TRMT11: variants seen among roughly 807,000 people sequenced by gnomAD.
The protein encoded by TRMT11 is tRNA (guanine(10)-N(2))-methyltransferase TRMT11.
A neutral mutation model predicts 62.8 loss-of-function variants in TRMT11; 53 were observed. The observed-to-expected ratio is 0.84, with a 90% confidence interval of 0.68 to 1.06. The LOEUF is 1.06. TRMT11 is among the 50% of genes least tolerant of loss of function. TRMT11 has a pLI of 0.00. For synonymous variants in TRMT11, 188 were observed against 190.3 expected (o/e 0.99, Z 0.10); for missense variants, 556 against 553.4 (o/e 1.00, Z -0.05).
At chr6:126,178,055 G>A (rs578061743) in intron 1 of TRMT11, among the ~76,000 whole-genome samples, 1 of 151,974 alleles carries the variant, frequency 6.6e-6, no homozygotes, top group Admixed American at 6.6e-5. Context: ...TTTCAAGAGC[G>A]ATCTTATGTT....
intron 16 of TRMT11, among the ~76,000 whole-genome samples, chr6:126,045,354 G>C (rs1242552706): frequency 6.6e-6 from 1 of 152,148 alleles, no homozygotes; most frequent in Non-Finnish European, 1.5e-5. Context: ...GATGGTTTTT[G>C]ATCATGAGGA....
chr6:126,003,660 G>A (rs1792881458), intron 7 of TRMT11, among the ~76,000 whole-genome samples: 2 of 151,964 alleles, frequency 1.3e-5, no homozygotes, highest in African/African-American at 4.8e-5. Flanking sequence ...TATATTTTAA[G>A]GGCCATTATG....
chr6:126,131,241 G>C (rs1361407653), intron 21 of TRMT11, among the ~76,000 whole-genome samples: 1 of 152,026 alleles, frequency 6.6e-6, no homozygotes, highest in East Asian at 1.9e-4. Flanking sequence ...AAGAGAATTG[G>C]TGTTAGAGCA....
At chr6:125,991,133 C>G (rs1163341288) in intron 1 of TRMT11, among the ~76,000 whole-genome samples, 1 of 151,666 alleles carries the variant, frequency 6.6e-6, no homozygotes, top group Non-Finnish European at 1.5e-5. Flanking sequence ...GTAATCTCAG[C>G]TACCCAAGAG....
chr6:126,203,595 A>G (rs529443434), downstream of TRMT11, among the ~76,000 whole-genome samples: 2 of 152,310 alleles, frequency 1.3e-5, no homozygotes, highest in East Asian at 3.9e-4. Flanking sequence ...AAGCCTTGAA[A>G]TATGTATTTG....
intron 21 of TRMT11, among the ~76,000 whole-genome samples, chr6:126,122,262 A>G (rs1777658680): frequency 6.6e-6 from 1 of 152,098 alleles, no homozygotes; most frequent in East Asian, 1.9e-4. Flanking sequence ...CAGCATGAGA[A>G]CAGACTAATA....
chr6:126,069,612 C>T (rs867415551), intron 17 of TRMT11, among the ~76,000 whole-genome samples: 14 of 152,330 alleles, frequency 9.2e-5, no homozygotes, highest in Middle Eastern at 3.4e-3. Context: ...TGCGAAGCTG[C>T]GTGTTATCCT....
chr6:126,262,075 T>C, the TRMT11 span, among the ~76,000 whole-genome samples: 3 of 152,284 alleles, frequency 2.0e-5, no homozygotes, highest in South Asian at 6.2e-4. Flanking sequence ...CTGGGTTAAG[T>C]GAAGGTTCAT....
chr6:126,044,166 T>A (rs1315563638), downstream of TRMT11, among the ~76,000 whole-genome samples: 1 of 152,104 alleles, frequency 6.6e-6, no homozygotes, highest in Non-Finnish European at 1.5e-5. Context: ...TAGGTTTTCT[T>A]CTAGGGTTTT....
At position 126,088,851 on chromosome 6, in the gene TRMT11, T is replaced by C. The variant is rs187348869; in HGVS notation, c.*1438-24015T>C. ...TAAAGGGAAAAAGAGAATTGACTTA[T>C]ATTGCTAGAGAAATCAAATCCCAAA... On this transcript the variant is annotated intron_variant and NMD_transcript_variant, in intron 17 of 22. Transcript: ENST00000648977. Among the ~76,000 whole-genome samples the C allele has an allele frequency of 1.6e-3, 239 of 152,360 alleles. 2 individuals carry two copies. The highest frequency in any genetic ancestry group is 5.1e-4 in the Non-Finnish European group (35 of 68,030).
chr6:126,165,316 T>C (rs1314588277), intron 21 of TRMT11, among the ~76,000 whole-genome samples: 4 of 151,968 alleles, frequency 2.6e-5, no homozygotes, highest in Non-Finnish European at 4.4e-5. Flanking sequence ...AATTTGATCC[T>C]GTCATTATGA....
chr6:126,105,857 C>T (rs1479041304), intron 17 of TRMT11, among the ~76,000 whole-genome samples: 1 of 152,096 alleles, frequency 6.6e-6, no homozygotes, highest in Non-Finnish European at 1.5e-5. Flanking sequence ...AAACCAGGGG[C>T]TGTGTATTTA....
chr6:126,035,736 C>T (rs115867774), intron 12 of TRMT11, among the ~76,000 whole-genome samples: 152 of 152,148 alleles, frequency 1.0e-3, no homozygotes, highest in African/African-American at 3.5e-3. Flanking sequence ...TCTCAATAAT[C>T]GTTAGCATAC....
rs554353948 is a variant in TRMT11, at chr6:126,140,636, T to C, written c.*1823+24781T>C. On this transcript the variant is annotated intron_variant and NMD_transcript_variant, in intron 21 of 22. Coordinates refer to the TRMT11 transcript ENST00000648977. Reference sequence around the variant, plus strand: ...CATTTTAGCTAAGTGTTCATATAGGTATGCTAAAATTTCCACCTTAAAATG... The same window carrying C: ...CATTTTAGCTAAGTGTTCATATAGGCATGCTAAAATTTCCACCTTAAAATG... Among the ~76,000 whole-genome samples the C allele has an allele frequency of 4.4e-3, 672 of 152,228 alleles. 11 individuals carry two copies. Among genetic ancestry groups the C allele is most frequent in the Non-Finnish European group, 6.9e-3 (466 of 67,966 alleles).
In TRMT11 at chr6:126,045,202, A is replaced by G. The variant is rs1223342238; in HGVS notation, c.*1369+4357A>G. Among the ~76,000 whole-genome samples, 3 of 151,794 alleles carry G rather than the reference A, an allele frequency of 2.0e-5. No homozygotes were observed. In the South Asian group the frequency reaches 6.2e-4, roughly 32 times the overall value. On this transcript the variant is annotated intron_variant and NMD_transcript_variant, in intron 16 of 22. Transcript: ENST00000648977. The stretch of plus-strand genomic sequence containing the variant: ...GACTCCATCTCAAAAAAAAAAAAAA[A>G]TTGCAGATTGTCATGCCCTGCTTAC...
At chr6:126,159,120 A>G (rs1778158683) in intron 21 of TRMT11, among the ~76,000 whole-genome samples, 1 of 152,020 alleles carries the variant, frequency 6.6e-6, no homozygotes, top group African/African-American at 2.4e-5. Context: ...CCTGTAATAC[A>G]CTTCTCAACC....
upstream of TRMT11, among the ~76,000 whole-genome samples, chr6:126,175,166 G>C (rs1406515039): frequency 6.6e-6 from 1 of 152,130 alleles, no homozygotes; most frequent in African/African-American, 2.4e-5. Context: ...CTGGTACTGG[G>C]ACAGTGATTG....
chr6:126,053,876 A>G (rs1160677261), intron 17 of TRMT11, among the ~76,000 whole-genome samples: 2 of 152,166 alleles, frequency 1.3e-5, no homozygotes, highest in Non-Finnish European at 2.9e-5. Context: ...CCCCTAAAGA[A>G]GTGGAAGTTG....
chr6:126,083,434 C>G (rs1178494214), intron 17 of TRMT11, among the ~76,000 whole-genome samples: 1 of 152,014 alleles, frequency 6.6e-6, no homozygotes, highest in African/African-American at 2.4e-5. Flanking sequence ...TATTCCATAC[C>G]TTCCTTTTCT....
Sources: allele counts gnomAD v4.1 joint callset (sites outside exome capture counted in the v4.1 genomes callset), GRCh38; gene constraint gnomAD v4.1.1; transcripts MANE v1.5; gene names NCBI Gene and HGNC (gene_info 2026-07-23, HGNC 2026-07-21).